The following LRGUK variants were observed in gnomAD, a reference collection of about 807,000 sequenced individuals.
LRGUK encodes leucine-rich repeat and guanylate kinase domain-containing protein.
A neutral mutation model predicts 76.0 loss-of-function variants in LRGUK; 65 were observed. That is an observed-to-expected ratio of 0.85 (90% CI 0.70 to 1.05). LRGUK has a LOEUF of 1.05. LRGUK is among the 50% of genes least tolerant of loss of function. The pLI, the probability that LRGUK is intolerant of heterozygous loss-of-function variation, is 0.00. For missense variants in LRGUK, 758 were observed against 732.8 expected, an observed-to-expected ratio of 1.03 and a Z score of -0.40; for synonymous variants, 268 against 265.6, an observed-to-expected ratio of 1.01 and a Z score of -0.09.
intron 7 of LRGUK, among the ~76,000 whole-genome samples, chr7:134,169,133 GACACACACACACACACACACACACAC>G (rs36204942): frequency 1.6e-3 from 211 of 135,578 alleles, no homozygotes; most frequent in Middle Eastern, 3.7e-3. Context: ...AAGGGAAGAA[GACACACACACACACACACACACACAC>G]ACACACACAC....
chr7:134,271,746 T>C, the LRGUK span, among the ~76,000 whole-genome samples: 4 of 152,088 alleles, frequency 2.6e-5, no homozygotes, highest in African/African-American at 9.6e-5. Flanking sequence ...TACAATTGTA[T>C]AATTTTCTCC....
At chr7:134,219,814 G>A (rs573539839) in intron 15 of LRGUK, among the ~76,000 whole-genome samples, 1 of 151,942 alleles carries the variant, frequency 6.6e-6, no homozygotes, top group South Asian at 2.1e-4. Flanking sequence ...TTTCCTGTCT[G>A]ATCTAGTTTC....
At chr7:134,263,784 T>A (rs1802801902) in intron 19 of LRGUK, 61 bp from the exon 20 acceptor site, 1 of 1,497,380 alleles carries the variant, frequency 6.7e-7, no homozygotes, top group African/African-American at 1.4e-5. Context: ...CATGCAACAC[T>A]TATTCTCTTT....
chr7:134,177,734 C>T (rs369715236), intron 9 of LRGUK, among the ~76,000 whole-genome samples: 63 of 152,266 alleles, frequency 4.1e-4, no homozygotes, highest in African/African-American at 1.4e-3. Flanking sequence ...TAGAGAGGCA[C>T]GTATTCCATC....
intron 16 of LRGUK, among the ~76,000 whole-genome samples, chr7:134,246,227 C>G (rs1802298425): frequency 6.6e-6 from 1 of 152,126 alleles, no homozygotes; most frequent in Admixed American, 6.5e-5. Context: ...TTATCCCCCC[C>G]AAATTTATAC....
At position 134,130,838 on chromosome 7, in the gene LRGUK, C is replaced by T. The variant is rs1256328282; in HGVS notation, c.297+3174C>T. Among the ~76,000 whole-genome samples, 4 of 152,112 alleles carry T rather than the reference C, an allele frequency of 2.6e-5. No homozygotes were observed. The East Asian group carries it at 7.7e-4, about 29-fold the overall frequency. On this transcript the variant is annotated intron_variant, in intron 1 of 15. Transcript: ENST00000645682. ...GATTTGTGTTTGAGGCTTGATTTAG[C>T]CTTTTGTCAGTTGTGAGATGTTGAG... is the stretch of plus-strand genomic sequence containing the variant.
intron 1 of LRGUK, among the ~76,000 whole-genome samples, chr7:134,133,188 C>A (rs1307636205): frequency 1.3e-5 from 2 of 152,204 alleles, no homozygotes; most frequent in Non-Finnish European, 2.9e-5. Context: ...CACACTTAGG[C>A]TTCAGCCATC....
At chr7:134,193,948 C>T (rs2117061604) in intron 12 of LRGUK, among the ~76,000 whole-genome samples, 1 of 152,296 alleles carries the variant, frequency 6.6e-6, no homozygotes, top group East Asian at 1.9e-4. Flanking sequence ...GGGGCCTCCT[C>T]TATCCCATCA....
chr7:134,187,570 G>GT (rs1265424392), intron 11 of LRGUK, among the ~76,000 whole-genome samples: 1 of 152,178 alleles, frequency 6.6e-6, no homozygotes, highest in Non-Finnish European at 1.5e-5. Context: ...TTTTGCTGTA[G>GT]TTAGGTTTTG....
chr7:134,237,218 C>T (rs1309722991), intron 16 of LRGUK, among the ~76,000 whole-genome samples: 1 of 151,956 alleles, frequency 6.6e-6, no homozygotes. Context: ...CCATGCCCAG[C>T]TAATTTTTGT....
the LRGUK span, among the ~76,000 whole-genome samples, chr7:134,270,388 G>C: frequency 7.2e-5 from 11 of 151,998 alleles, no homozygotes; most frequent in East Asian, 1.7e-3. Context: ...AAGTGAAAAA[G>C]AATAATATAA....
downstream of LRGUK, among the ~76,000 whole-genome samples, chr7:134,268,336 CA>C (rs1802898098): frequency 1.3e-5 from 2 of 152,094 alleles, no homozygotes; most frequent in South Asian, 4.1e-4. Flanking sequence ...GGAAATACTA[CA>C]AACAACTCTA....
intron 11 of LRGUK, among the ~76,000 whole-genome samples, chr7:134,190,198 CTTATT>C (rs1313335164): frequency 6.6e-6 from 1 of 152,098 alleles, no homozygotes; most frequent in Non-Finnish European, 1.5e-5. Flanking sequence ...AGTCTCATCT[CTTATT>C]TTATTTTATT....
intron 18 of LRGUK, among the ~76,000 whole-genome samples, chr7:134,257,709 C>T (rs759738412): frequency 1.3e-5 from 2 of 152,024 alleles, no homozygotes; most frequent in South Asian, 2.1e-4. Flanking sequence ...GAGGCTGAAG[C>T]GGGGGAATCA....
At chr7:134,135,941 C>T (rs147904976) in intron 1 of LRGUK, among the ~76,000 whole-genome samples, 2 of 152,224 alleles carry the variant, frequency 1.3e-5, no homozygotes, top group Non-Finnish European at 2.9e-5. Flanking sequence ...CAGGCGTGAG[C>T]CACCGCGCCC....
At chr7:134,249,432 T>G (rs1655047423) in intron 18 of LRGUK, among the ~76,000 whole-genome samples, 3 of 152,294 alleles carry the variant, frequency 2.0e-5, no homozygotes, top group East Asian at 3.9e-4. Context: ...AATCTCTTCC[T>G]GTACTGTGAT....
At chr7:134,188,817 T>G (rs562922190) in intron 11 of LRGUK, among the ~76,000 whole-genome samples, 46 of 152,320 alleles carry the variant, frequency 3.0e-4, no homozygotes, top group African/African-American at 1.1e-3. Context: ...GCCAAGCCTC[T>G]GCCTAAATAT....
chr7:134,127,954 G>A (rs1278744627), intron 1 of LRGUK, among the ~76,000 whole-genome samples: 1 of 145,418 alleles, frequency 6.9e-6, no homozygotes, highest in Non-Finnish European at 1.5e-5. Flanking sequence ...CTAGATAATT[G>A]TCTGGGAATT....
At chr7:134,174,755 A>C (rs1425240135) in intron 8 of LRGUK, 119 bp downstream of exon 8, 1 of 684,820 alleles carries the variant, frequency 1.5e-6, no homozygotes, top group African/African-American at 1.8e-5. Flanking sequence ...ATGTGAATAG[A>C]GTTTGTCTAT....
Sources: gnomAD v4.1 joint callset for allele counts (sites outside exome capture counted in the v4.1 genomes callset) on GRCh38, gnomAD v4.1.1 for gene constraint, MANE v1.5 for transcripts, NCBI Gene and HGNC (gene_info 2026-07-23, HGNC 2026-07-21) for gene names.